The following BNIP5 variants were observed in gnomAD, a reference collection of about 807,000 sequenced individuals.
The protein encoded by BNIP5 is protein BNIP5.
BNIP5 carries 61 observed loss-of-function variants against 67.3 expected under a neutral mutation model. That is an observed-to-expected ratio of 0.91 (90% CI 0.74 to 1.12). The LOEUF is 1.12. Ranked by LOEUF, BNIP5 falls within the 50% of genes most tolerant of loss-of-function variation. The pLI is 0.00. For synonymous variants in BNIP5, 317 were observed against 319.0 expected, an observed-to-expected ratio of 0.99 and a Z score of 0.07; for missense variants, 826 against 816.3, an observed-to-expected ratio of 1.01 and a Z score of -0.14.
chr6:36,324,960 G>T (rs1771728294), intron 6 of BNIP5, among the ~76,000 whole-genome samples: 1 of 152,096 alleles, frequency 6.6e-6, no homozygotes, highest in Non-Finnish European at 1.5e-5. Context: ...ACAGCTCAAA[G>T]GGGTCACAGC....
At chr6:36,333,202 G>A (rs948842969) in intron 1 of BNIP5, among the ~76,000 whole-genome samples, 1 of 152,238 alleles carries the variant, frequency 6.6e-6, no homozygotes, top group Non-Finnish European at 1.5e-5. Context: ...GAAACCAGAT[G>A]GTATTGCAGC....
In BNIP5 at chr6:36,330,308, C is replaced by T; in HGVS notation, c.383G>A (p.Gly128Asp). 6.2e-7 allele frequency: 1 copy of T among 1,614,188 alleles called. No individual in the cohort carries two copies. Among genetic ancestry groups the T allele is most frequent in the Non-Finnish European group, 8.5e-7 (1 of 1,180,032 alleles). The change falls in exon 2 of 12, where the codon GGT (glycine) becomes GAT (aspartate). Residue 128 changes from glycine (G) to aspartate (D), a missense_variant. Transcript: ENST00000437635. The stretch of plus-strand genomic sequence containing the variant: ...CAGGGGCTCCGGATGCTGGGAGATA[C>T]CCTCCTTCCCCCTTGGCCTCCTGCT... ...KASRRPRGKEGISQHPEPLEA... is the reference protein window; with the variant it reads ...KASRRPRGKEDISQHPEPLEA...
intron 6 of BNIP5, 28 bp from the exon 7 acceptor site, chr6:36,324,218 C>T: frequency 1.3e-6 from 2 of 1,599,130 alleles, no homozygotes; most frequent in South Asian, 2.2e-5. Context: ...GCATGGTTAA[C>T]TTTGGTGCTA....
In BNIP5 at chr6:36,317,268, G is replaced by A; in HGVS notation, c.*88C>T. On this transcript the variant is annotated 3_prime_UTR_variant, in exon 12 of 12. Coordinates refer to ENST00000437635, the MANE Select transcript of BNIP5 (RefSeq NM_001010903.5). Reference sequence around the variant, plus strand: ...CATCACGTTTGTGAAGCAGGGATTGGGACATCACAGAGCATCTTCAGGGTC... The same window carrying A: ...CATCACGTTTGTGAAGCAGGGATTGAGACATCACAGAGCATCTTCAGGGTC... 2.0e-6 allele frequency: 2 copies of A among 1,002,140 alleles called. No homozygotes were observed. The highest frequency in any genetic ancestry group is 2.5e-5 in the South Asian group (2 of 78,862). 62.1% of individuals were successfully genotyped at this position (1,002,140 alleles called of 1,614,324 possible).
rs778585303 is a variant in BNIP5, at chr6:36,330,464, G to A, written c.227C>T (p.Pro76Leu). The change falls in exon 2 of 12, where the codon CCC becomes CTC. Residue 76 changes from proline (P) to leucine (L), a missense_variant. Transcript: ENST00000437635. ...AAAATCTCCGGTCTCCTCGGGAGTG[G>A]GGGCTGCAGCGGTGGTGCAGTGAGC... ...AEAHCTTAAA[P>L]TPEETGDFLP... The A allele has an allele frequency of 3.0e-5, 48 of 1,614,070 alleles. No homozygotes were observed. The highest frequency in any genetic ancestry group is 3.6e-5 in the Non-Finnish European group (42 of 1,180,046).
intron 6 of BNIP5, among the ~76,000 whole-genome samples, chr6:36,324,692 C>T (rs992167432): frequency 1.6e-5 from 2 of 128,338 alleles, no homozygotes; most frequent in Non-Finnish European, 3.2e-5. Context: ...ATAATTACAG[C>T]GATGGCAGCT....
chr6:36,328,571 A>G (rs769620784), intron 3 of BNIP5, 27 bp downstream of exon 3: 1 of 1,442,830 alleles, frequency 6.9e-7, no homozygotes, highest in South Asian at 1.1e-5. Flanking sequence ...GCCACAGGCA[A>G]AAAGGTCACT....
intron 6 of BNIP5, among the ~76,000 whole-genome samples, chr6:36,324,573 T>A (rs1166695336): frequency 1.7e-5 from 1 of 59,812 alleles, no homozygotes; most frequent in African/African-American, 7.5e-5. Context: ...CTGACGGTGA[T>A]ATTATATATA....
chr6:36,319,740 C>T, intron 10 of BNIP5, 130 bp from the exon 11 acceptor site: 3 of 988,958 alleles, frequency 3.0e-6, no homozygotes, highest in Middle Eastern at 3.3e-4. Context: ...CTTGTTACAT[C>T]CCTCCACTGC....
At chr6:36,324,283 G>C in intron 6 of BNIP5, 93 bp from the exon 7 acceptor site, 1 of 1,146,414 alleles carries the variant, frequency 8.7e-7, no homozygotes, top group African/African-American at 1.5e-5. Flanking sequence ...GGCTCCCTGG[G>C]TGATTCTCCA....
At chr6:36,319,677 C>T (rs1463631947) in intron 10 of BNIP5, 67 bp from the exon 11 acceptor site, 16 of 1,551,388 alleles carry the variant, frequency 1.0e-5, no homozygotes, top group African/African-American at 1.4e-5. Flanking sequence ...ACTGCCCCTC[C>T]CACAACTCCA....
intron 7 of BNIP5, 92 bp downstream of exon 7, chr6:36,324,037 A>C: frequency 1.1e-6 from 1 of 944,342 alleles, no homozygotes; most frequent in Non-Finnish European, 1.7e-6. Flanking sequence ...AGCAGGACAC[A>C]GAAGAGCAGC....
chr6:36,324,573 T>G (rs1166695336), intron 6 of BNIP5, among the ~76,000 whole-genome samples: 2 of 59,812 alleles, frequency 3.3e-5, no homozygotes, highest in Non-Finnish European at 6.0e-5. Flanking sequence ...CTGACGGTGA[T>G]ATTATATATA....
chr6:36,320,967 C>G (rs1324230127), intron 10 of BNIP5, among the ~76,000 whole-genome samples, 188 bp downstream of exon 10: 1 of 152,188 alleles, frequency 6.6e-6, no homozygotes, highest in Non-Finnish European at 1.5e-5. Flanking sequence ...ACATGTCTGG[C>G]GTTTTCTACA....
intron 10 of BNIP5, among the ~76,000 whole-genome samples, 187 bp downstream of exon 10, chr6:36,320,968 G>A (rs10456439): frequency 0.2 from 30,370 of 152,184 alleles, 3,328 homozygotes; most frequent in Non-Finnish European, 0.25. Flanking sequence ...CATGTCTGGC[G>A]TTTTCTACAT....
At chr6:36,320,019 A>C (rs1327480214) in intron 10 of BNIP5, among the ~76,000 whole-genome samples, 2 of 152,252 alleles carry the variant, frequency 1.3e-5, no homozygotes, top group African/African-American at 4.8e-5. Context: ...GTATCCACCC[A>C]ACCCCAGGAT....
In BNIP5 at chr6:36,328,846, G is replaced by T. The variant is rs12192390; in HGVS notation, c.611-132C>A. The T allele has an allele frequency of 6.1e-6, 4 of 660,884 alleles. No individual in the cohort carries two copies. The East Asian group carries it at 7.6e-5, about 13-fold the overall frequency. 40.9% of individuals were successfully genotyped at this position (660,884 alleles called of 1,614,324 possible). A position where few individuals can be genotyped will look rare whatever the true frequency, so the allele number is the denominator to read the frequency against. On this transcript the variant is annotated intron_variant, in intron 2 of 11. Coordinates refer to ENST00000437635, the MANE Select transcript of BNIP5 (RefSeq NM_001010903.5). ...AGTGCAACAGGTGCTGCTGCAGCCC[G>T]CTCTAGGCTTAACCAAAAAATCAGA...
intron 6 of BNIP5, among the ~76,000 whole-genome samples, chr6:36,324,576 TA>T (rs1690568110): frequency 0.022 from 37 of 1,718 alleles, 1 homozygote; most frequent in African/African-American, 0.055. Context: ...ACGGTGATAT[TA>T]TATATATATA....
rs1771734524 is a variant in BNIP5, at chr6:36,325,264, A to G, written c.1168+19T>C. 3 of 1,613,624 alleles carry G rather than the reference A, an allele frequency of 1.9e-6. No individual in the cohort carries two copies. In the South Asian group the frequency reaches 3.3e-5, roughly 18 times the overall value. ...GAAGTTTTGCAAGGGGTGTCTGAGA[A>G]AAAGAGAGGAGTACTGACTGTATTC... On this transcript the variant is annotated intron_variant, in intron 6 of 11. Transcript: ENST00000437635.
Sources: allele counts gnomAD v4.1 joint callset (sites outside exome capture counted in the v4.1 genomes callset), GRCh38; gene constraint gnomAD v4.1.1; transcripts MANE v1.5; gene names NCBI Gene and HGNC (gene_info 2026-07-23, HGNC 2026-07-21).